Variants in NEK4 observed in about 807,000 individuals in gnomAD.
NEK4 encodes NIMA related kinase 4.
Under a neutral mutation model 98.4 loss-of-function variants are expected in NEK4, and 86 were observed. That is an observed-to-expected ratio of 0.87 (90% CI 0.73 to 1.05). The LOEUF (loss-of-function observed/expected upper bound fraction) is 1.05, where lower values mean the gene tolerates loss of function less well. NEK4 is among the 50% of genes least tolerant of loss of function. NEK4 has a pLI of 0.00. For missense variants in NEK4, 898 were observed against 950.3 expected (o/e 0.94, Z 0.72); for synonymous variants, 328 against 342.2 (o/e 0.96, Z 0.46).
At chr3:52,770,027 G>T (rs1698717506) in intron 1 of NEK4, among the ~76,000 whole-genome samples, 1 of 152,180 alleles carries the variant, frequency 6.6e-6, no homozygotes, top group African/African-American at 2.4e-5. Flanking sequence ...TAGCAGTAGA[G>T]ATGAGAGGAG....
In NEK4 at chr3:52,711,597, T is replaced by C; in HGVS notation, c.*180A>G. The stretch of plus-strand genomic sequence containing the variant: ...AGCCAAAGTTTTTTTTCTTTTGTGA[T>C]CCTGCTTCATATTATTCTGTTCTGT... On this transcript the variant is annotated 3_prime_UTR_variant, in exon 16 of 16. Coordinates refer to ENST00000233027, the MANE Select transcript of NEK4 (RefSeq NM_003157.6). 1 of 459,570 alleles carries C rather than the reference T, an allele frequency of 2.2e-6. No individual in the cohort carries two copies. The highest frequency in any genetic ancestry group is 3.9e-6 in the Non-Finnish European group (1 of 255,914). 28.5% of individuals were successfully genotyped at this position (459,570 alleles called of 1,614,324 possible).
chr3:52,754,791 G>C, intron 6 of NEK4: 1 of 332,284 alleles, frequency 3.0e-6, no homozygotes, highest in Non-Finnish European at 6.1e-6. Flanking sequence ...ACAAAACTGT[G>C]GGCCGGGCAC....
At chr3:52,770,269 G>A (rs1698724789) in intron 1 of NEK4, among the ~76,000 whole-genome samples, 1 of 151,886 alleles carries the variant, frequency 6.6e-6, no homozygotes, top group African/African-American at 2.4e-5. Context: ...ATGCTTGCTA[G>A]GCGCTGTATT....
At chr3:52,737,520 A>G (rs2097378169) in intron 15 of NEK4, 66 bp downstream of exon 15, 1 of 1,536,240 alleles carries the variant, frequency 6.5e-7, no homozygotes, top group East Asian at 2.2e-5. Flanking sequence ...TGTGATTTAT[A>G]TTTCAAAAGG....
intron 15 of NEK4, among the ~76,000 whole-genome samples, chr3:52,728,189 A>G (rs1048826700): frequency 5.8e-4 from 89 of 152,248 alleles, no homozygotes; most frequent in African/African-American, 2.0e-3. Context: ...CCTAGGGAAC[A>G]CAGTGAAAGC....
In NEK4 at chr3:52,737,591, T is replaced by C; in HGVS notation, c.2428A>G (p.Arg810Gly). Reference protein sequence around the residue: ...DLLEEEDEFDREVRLREHMGE... With the variant: ...DLLEEEDEFDGEVRLREHMGE... ...ACAGTTAATGAGACACTCACCTCTCTATCAAATTCATCCTCCTCCTCCAAA... is the reference window on the plus strand; with the variant it reads ...ACAGTTAATGAGACACTCACCTCTCCATCAAATTCATCCTCCTCCTCCAAA... The change falls in exon 15 of 16, where the codon AGA (arginine) becomes GGA (glycine). Residue 810 changes from arginine to glycine, a missense_variant. Physicochemically the swap from Arg to Gly is moderately radical, Grantham distance 125 (BLOSUM62 -2). Coordinates refer to ENST00000233027, the MANE Select transcript of NEK4 (RefSeq NM_003157.6). 3 of 1,613,970 alleles carry C rather than the reference T, an allele frequency of 1.9e-6. No individual in the cohort carries two copies. The South Asian group carries it at 3.3e-5, about 18-fold the overall frequency.
intron 10 of NEK4, among the ~76,000 whole-genome samples, chr3:52,744,740 A>G (rs893983903): frequency 7.8e-6 from 1 of 128,470 alleles, no homozygotes; most frequent in African/African-American, 3.4e-5. Context: ...CAGCAAGACC[A>G]AAAAAAAAAA....
At chr3:52,724,153 A>C (rs2154102373) in intron 15 of NEK4, among the ~76,000 whole-genome samples, 1 of 152,092 alleles carries the variant, frequency 6.6e-6, no homozygotes, top group South Asian at 2.1e-4. Flanking sequence ...AAATTGCTTG[A>C]ACCCGGGAGA....
At chr3:52,761,744 A>G (rs1428725565) in intron 5 of NEK4, among the ~76,000 whole-genome samples, 1 of 152,220 alleles carries the variant, frequency 6.6e-6, no homozygotes, top group Non-Finnish European at 1.5e-5. Flanking sequence ...TCCAAAATAA[A>G]AATTCTATGG....
chr3:52,765,525 G>A (rs191250055), intron 4 of NEK4, among the ~76,000 whole-genome samples: 17 of 152,190 alleles, frequency 1.1e-4, no homozygotes, highest in Admixed American at 9.8e-4. Context: ...TCAAAGGAAC[G>A]ACAAGTTCAA....
intron 15 of NEK4, among the ~76,000 whole-genome samples, chr3:52,719,974 G>C (rs1171959499): frequency 6.6e-6 from 1 of 152,138 alleles, no homozygotes; most frequent in Non-Finnish European, 1.5e-5. Context: ...GAAAACACCA[G>C]AAGAGGAGAG....
chr3:52,736,157 T>C (rs1378053195), intron 15 of NEK4, among the ~76,000 whole-genome samples: 2 of 152,328 alleles, frequency 1.3e-5, no homozygotes, highest in East Asian at 3.9e-4. Context: ...ATCTGTCCTG[T>C]TTTTTCCCAG....
At chr3:52,716,888 C>A (rs1488186780) in intron 15 of NEK4, among the ~76,000 whole-genome samples, 1 of 152,228 alleles carries the variant, frequency 6.6e-6, no homozygotes, top group East Asian at 1.9e-4. Flanking sequence ...GACAAAAATT[C>A]TACTCCAGGC....
rs547616975 is a variant in NEK4, at chr3:52,735,808, A to C, written c.2433+1778T>G. On this transcript the variant is annotated intron_variant, in intron 15 of 15. Transcript: ENST00000233027. ...AAAGAATTTACATGATAAGTTAACA[A>C]GGATCAGGAAAGTAAGTTAATTTCC... Among the ~76,000 whole-genome samples the C allele has an allele frequency of 2.6e-5, 4 of 152,378 alleles. No homozygotes were observed. The East Asian group carries it at 7.7e-4, about 29-fold the overall frequency.
chr3:52,770,814 A>G lies in NEK4; in HGVS notation c.-68T>C. 2 of 1,386,348 alleles carry G rather than the reference A, an allele frequency of 1.4e-6. No individual in the cohort carries two copies. The highest frequency in any genetic ancestry group is 2.0e-6 in the Non-Finnish European group (2 of 1,016,354). 85.9% of individuals were successfully genotyped at this position (1,386,348 alleles called of 1,614,324 possible). On this transcript the variant is annotated 5_prime_UTR_variant, in exon 1 of 16. Transcript: ENST00000233027. ...GGGTAGGGCAGCGGGCGGCAACAAG[A>G]AGCTCGGTTCATGCCCGAGAGGGGG...
chr3:52,717,801 A>C (rs143423464), intron 15 of NEK4, among the ~76,000 whole-genome samples: 1,567 of 152,062 alleles, frequency 0.01, 11 homozygotes, highest in Non-Finnish European at 0.017. Flanking sequence ...TATTATTATT[A>C]TTCTTTGAGA....
intron 6 of NEK4, among the ~76,000 whole-genome samples, chr3:52,755,561 T>C (rs1054637590): frequency 6.6e-6 from 1 of 151,944 alleles, no homozygotes; most frequent in Non-Finnish European, 1.5e-5. Context: ...AAGTCATATA[T>C]GAAACACCCA....
intron 9 of NEK4, 104 bp from the exon 10 acceptor site, chr3:52,746,314 A>C: frequency 9.2e-7 from 1 of 1,092,860 alleles, no homozygotes; most frequent in Middle Eastern, 2.1e-4. Flanking sequence ...TGCTCTTAAA[A>C]CCTTCAAAAC....
At chr3:52,753,960 C>T (rs1177311115) in intron 6 of NEK4, 5 of 269,750 alleles carry the variant, frequency 1.9e-5, no homozygotes, top group African/African-American at 6.8e-5. Context: ...CTCAGGAGTT[C>T]GAGACCAGCC....
Sources: allele counts gnomAD v4.1 joint callset (sites outside exome capture counted in the v4.1 genomes callset), GRCh38; gene constraint gnomAD v4.1.1; transcripts MANE v1.5; gene names NCBI Gene and HGNC (gene_info 2026-07-23, HGNC 2026-07-21).